Variants in ZNF430 observed in about 807,000 individuals in gnomAD.
The protein encoded by ZNF430 is zinc finger protein 430.
Under a neutral mutation model 56.7 loss-of-function variants are expected in ZNF430, and 35 were observed. That is an observed-to-expected ratio of 0.62 (90% confidence interval 0.47 to 0.82). The LOEUF (loss-of-function observed/expected upper bound fraction) is 0.82. Ranked by LOEUF, ZNF430 falls within the 40% of genes least tolerant of loss-of-function variation. ZNF430 has a pLI of 0.00. For synonymous variants in ZNF430, 212 were observed against 224.3 expected (o/e 0.94, Z 0.49); for missense variants, 574 against 661.0 (o/e 0.87, Z 1.44).
intron 4 of ZNF430, among the ~76,000 whole-genome samples, chr19:21,047,175 A>G (rs959967614): frequency 1.3e-5 from 2 of 152,114 alleles, no homozygotes; most frequent in African/African-American, 4.8e-5. Flanking sequence ...TGTGTTTTTC[A>G]GTTCCATCAG....
intron 4 of ZNF430, among the ~76,000 whole-genome samples, chr19:21,055,412 G>A (rs144282572): frequency 1.8e-3 from 279 of 151,522 alleles, no homozygotes; most frequent in African/African-American, 6.2e-3. Context: ...AATTAAAAGA[G>A]TTTGTGTTTC....
chr19:21,043,093 T>C (rs552574692), intron 4 of ZNF430, among the ~76,000 whole-genome samples: 3 of 152,348 alleles, frequency 2.0e-5, no homozygotes, highest in African/African-American at 7.2e-5. Flanking sequence ...TGATAGTTTT[T>C]TTGTTGTTGT....
chr19:21,049,620 C>T (rs1370673489), intron 4 of ZNF430: 3 of 152,094 alleles, frequency 2.0e-5, no homozygotes, highest in Non-Finnish European at 4.4e-5. Context: ...CACCATGTAA[C>T]ATTTCTTGTT....
chr19:21,028,583 G>A (rs1400114794), intron 2 of ZNF430, among the ~76,000 whole-genome samples: 1 of 152,232 alleles, frequency 6.6e-6, no homozygotes, highest in Non-Finnish European at 1.5e-5. Context: ...AGACATTTGA[G>A]GATGTCCAGG....
At chr19:21,033,754 A>AAAACT in intron 3 of ZNF430, 172 bp downstream of exon 3, 2 of 793,894 alleles carry the variant, frequency 2.5e-6, no homozygotes, top group Non-Finnish European at 3.7e-6. Context: ...AAGAAGTTTT[A>AAAACT]TCTTGACTTA....
At chr19:21,026,037 C>G (rs1967787001) in intron 2 of ZNF430, 3 of 351,494 alleles carry the variant, frequency 8.5e-6, no homozygotes, top group African/African-American at 4.4e-5. Flanking sequence ...GGATGCACTC[C>G]TGGATCTAAT....
chr19:21,051,824 A>G (rs1412578122), intron 4 of ZNF430, among the ~76,000 whole-genome samples: 1 of 152,082 alleles, frequency 6.6e-6, no homozygotes, highest in East Asian at 1.9e-4. Context: ...ACTCATACCA[A>G]ATTGTTTTTA....
intron 2 of ZNF430, among the ~76,000 whole-genome samples, chr19:21,028,038 C>T (rs1234309822): frequency 6.6e-6 from 1 of 152,126 alleles, no homozygotes; most frequent in African/African-American, 2.4e-5. Context: ...TGCTGTAACA[C>T]CCAAGAATGC....
intron 2 of ZNF430, among the ~76,000 whole-genome samples, chr19:21,023,168 C>T (rs1352102082): frequency 6.6e-6 from 1 of 152,056 alleles, no homozygotes; most frequent in Non-Finnish European, 1.5e-5. Context: ...AGTTAAATGC[C>T]CGTGGGACAG....
At chr19:21,026,046 AT>A (rs1475175122) in intron 2 of ZNF430, 5 of 334,908 alleles carry the variant, frequency 1.5e-5, no homozygotes, top group African/African-American at 1.1e-4. Flanking sequence ...CCTGGATCTA[AT>A]TTTTGTATTT....
At chr19:21,051,511 T>G (rs1377688797) in intron 4 of ZNF430, among the ~76,000 whole-genome samples, 3 of 152,230 alleles carry the variant, frequency 2.0e-5, no homozygotes, top group Non-Finnish European at 4.4e-5. Flanking sequence ...TTCACTTTGT[T>G]TTGAGACAGT....
chr19:21,045,984 G>C (rs962956896), intron 4 of ZNF430, among the ~76,000 whole-genome samples: 2 of 151,996 alleles, frequency 1.3e-5, no homozygotes, highest in African/African-American at 4.8e-5. Flanking sequence ...TCTTTAATCA[G>C]CTTGACATTC....
In ZNF430 at chr19:21,056,918, C is replaced by G. The variant is rs7256437; in HGVS notation, c.610C>G (p.Pro204Ala). ...AAAGATAAGACATACTGGAAAGAAG[C>G]CTTTCAAATGTAAAAAATGTGACAA... ...IQKIRHTGKK[P>A]FKCKKCDKSF... Residue 204 changes from proline to alanine, a missense_variant, in exon 5 of 5, where the codon CCT (proline) becomes GCT (alanine). Physicochemically the swap from Pro to Ala is conservative, Grantham distance 27 (BLOSUM62 -1). Around this residue, in one of 3 missense-constraint regions of ZNF430, gnomAD observed 346 missense variants for 399.1 expected, o/e 0.87. Transcript: ENST00000261560. 7 of 1,612,690 alleles carry G rather than the reference C, an allele frequency of 4.3e-6. No individual in the cohort carries two copies. The highest frequency in any genetic ancestry group is 4.0e-5 in the African/African-American group (3 of 74,844).
At position 21,033,579 on chromosome 19, in the gene ZNF430, T is replaced by C. The variant is rs1333369777; in HGVS notation, c.220T>C (p.Leu74=). ...MLENYRNLVF[L]AGIAVSKPDL... ...AGAGAACTACAGAAACCTGGTCTTC[T>C]TGGGTGAGAATAACTTTAGTACACA... The change falls in exon 3 of 5, where the codon TTG becomes CTG. Residue 74 remains leucine (L), a synonymous_variant. Transcript: ENST00000261560. 3 of 1,606,346 alleles carry C rather than the reference T, an allele frequency of 1.9e-6. No individual in the cohort carries two copies. Among genetic ancestry groups the C allele is most frequent in the Non-Finnish European group, 1.7e-6 (2 of 1,176,780 alleles).
intron 4 of ZNF430, among the ~76,000 whole-genome samples, chr19:21,050,235 G>A (rs1968262056): frequency 1.3e-5 from 2 of 151,954 alleles, no homozygotes; most frequent in Admixed American, 1.3e-4. Flanking sequence ...GGACTTGATG[G>A]TGTCCAATAA....
chr19:21,054,364 A>G (rs1216904388), intron 4 of ZNF430, among the ~76,000 whole-genome samples: 1 of 150,984 alleles, frequency 6.6e-6, no homozygotes, highest in African/African-American at 2.4e-5. Context: ...GAATTTGGTT[A>G]TTTTTTAAGG....
chr19:21,020,694 A>G lies in ZNF430; in HGVS notation c.-107A>G. The G allele has an allele frequency of 6.6e-7, 1 of 1,523,432 alleles. No homozygotes were observed. The highest frequency in any genetic ancestry group is 9.1e-7 in the Non-Finnish European group (1 of 1,102,622). The allele number at this position is 1,523,432 out of a possible 1,614,324, so 94.4% of individuals were successfully genotyped here. ...GGCCTGAGCTCCAGGTCTCGTCTTC[A>G]GCGCTCTGTGTCCTCTGCTCCTAGA... On this transcript the variant is annotated 5_prime_UTR_variant, in exon 1 of 5. Transcript: ENST00000261560.
intron 2 of ZNF430, among the ~76,000 whole-genome samples, chr19:21,028,507 G>A (rs946530739): frequency 2.6e-5 from 4 of 152,260 alleles, no homozygotes; most frequent in African/African-American, 9.6e-5. Flanking sequence ...TCTCCAGCCT[G>A]GATTATCATT....
At chr19:21,052,526 T>C (rs1403453051) in intron 4 of ZNF430, among the ~76,000 whole-genome samples, 1 of 152,132 alleles carries the variant, frequency 6.6e-6, no homozygotes, top group Non-Finnish European at 1.5e-5. Context: ...CACACACATA[T>C]ATATACATAG....
Sources: gnomAD v4.1 joint callset for allele counts (sites outside exome capture counted in the v4.1 genomes callset) on GRCh38, gnomAD v4.1.1 for gene constraint, gnomAD v4.1.1 regional missense constraint, MANE v1.5 for transcripts, NCBI Gene and HGNC (gene_info 2026-07-23, HGNC 2026-07-21) for gene names.